Variants in PAN3 observed in about 807,000 individuals in gnomAD.
PAN3 encodes the protein poly(A) specific ribonuclease subunit PAN3, also known as PAN2-PAN3 deadenylation complex subunit PAN3.
A neutral mutation model predicts 96.2 loss-of-function variants in PAN3; 19 were observed. That is an observed-to-expected ratio of 0.20 (90% CI 0.14 to 0.29). PAN3 has a LOEUF of 0.29. Ranked by LOEUF, PAN3 falls within the 10% of genes least tolerant of loss-of-function variation. The pLI is 1.00. For synonymous variants in PAN3, 433 were observed against 406.6 expected, an observed-to-expected ratio of 1.06 and a Z score of -0.78; for missense variants, 882 against 1,108.1, an observed-to-expected ratio of 0.80 and a Z score of 2.90.
At chr13:28,247,413 T>C (rs1884303304) in intron 6 of PAN3, among the ~76,000 whole-genome samples, 1 of 152,230 alleles carries the variant, frequency 6.6e-6, no homozygotes, top group Non-Finnish European at 1.5e-5. Flanking sequence ...TTGTTTCTTT[T>C]GCGGTGCAGA....
chr13:28,233,170 A>C (rs1013114730), intron 6 of PAN3, among the ~76,000 whole-genome samples: 3 of 152,178 alleles, frequency 2.0e-5, no homozygotes, highest in African/African-American at 7.2e-5. Context: ...ATTCTTTAAA[A>C]AGTGGAAAAA....
chr13:28,223,514 A>G (rs1364120854), intron 6 of PAN3, among the ~76,000 whole-genome samples: 2 of 151,570 alleles, frequency 1.3e-5, no homozygotes, highest in Non-Finnish European at 2.9e-5. Context: ...TTATTCTCTC[A>G]GAGGTTCACA....
At chr13:28,219,033 C>A (rs111547470) in intron 5 of PAN3, among the ~76,000 whole-genome samples, 1 of 152,068 alleles carries the variant, frequency 6.6e-6, no homozygotes, top group Admixed American at 6.6e-5. Context: ...GAAGGTACTA[C>A]GTTAGTAAAA....
At chr13:28,191,044 T>G (rs1005756480) in intron 4 of PAN3, among the ~76,000 whole-genome samples, 2 of 152,194 alleles carry the variant, frequency 1.3e-5, no homozygotes, top group Non-Finnish European at 2.9e-5. Flanking sequence ...TTACCTTTTT[T>G]GGGGGACCAC....
intron 5 of PAN3, among the ~76,000 whole-genome samples, chr13:28,203,299 T>C (rs1475436030): frequency 1.3e-5 from 2 of 151,504 alleles, no homozygotes; most frequent in Admixed American, 6.6e-5. Context: ...GACTTTTCTA[T>C]ATTATTTATT....
chr13:28,212,294 C>T (rs1363423852), intron 5 of PAN3, among the ~76,000 whole-genome samples: 1 of 152,200 alleles, frequency 6.6e-6, no homozygotes, highest in Admixed American at 6.5e-5. Flanking sequence ...AGAATAAATT[C>T]TTCCCTGGTT....
chr13:28,263,132 T>G (rs939722890), intron 9 of PAN3, among the ~76,000 whole-genome samples: 1 of 152,160 alleles, frequency 6.6e-6, no homozygotes, highest in Non-Finnish European at 1.5e-5. Context: ...TTATTTATGT[T>G]CATATGAAGA....
chr13:28,224,950 ATGAT>A (rs1881840009), intron 6 of PAN3, among the ~76,000 whole-genome samples: 1 of 152,214 alleles, frequency 6.6e-6, no homozygotes, highest in Admixed American at 6.5e-5. Flanking sequence ...GCAAACTCAT[ATGAT>A]TGATATGGGG....
intron 6 of PAN3, among the ~76,000 whole-genome samples, chr13:28,246,007 A>G (rs533991588): frequency 1.9e-4 from 29 of 152,272 alleles, no homozygotes; most frequent in African/African-American, 6.5e-4. Flanking sequence ...GTGCGAACCT[A>G]TGTTTTTAGT....
chr13:28,185,635 A>T (rs182216261), intron 4 of PAN3, among the ~76,000 whole-genome samples: 1 of 151,998 alleles, frequency 6.6e-6, no homozygotes, highest in Non-Finnish European at 1.5e-5. Context: ...GTGTGGTAGT[A>T]TGGTGTTTGA....
chr13:28,139,208 G>A lies in PAN3; in HGVS notation c.430+121G>A, dbSNP rs897605320. On this transcript the variant is annotated intron_variant, in intron 1 of 18. Transcript: ENST00000380958. Reference sequence around the variant, plus strand: ...GGCTCCCCCCCTCACCTCCCAAGGCGGTCTGAGAGGCCTAGGCCGGGCCTG... The same window carrying A: ...GGCTCCCCCCCTCACCTCCCAAGGCAGTCTGAGAGGCCTAGGCCGGGCCTG... 1.5e-5 allele frequency: 17 copies of A among 1,111,768 alleles called. No individual in the cohort carries two copies. In the African/African-American group the frequency reaches 2.3e-4, roughly 15 times the overall value. 68.9% of individuals were successfully genotyped at this position (1,111,768 alleles called of 1,614,324 possible).
chr13:28,174,327 T>C lies in PAN3; in HGVS notation c.486T>C (p.Phe162=). ...LTDTSLTDSY[F]STSFIGVNGF... is the part of the protein sequence containing the mutation. Reference sequence around the variant, plus strand: ...ATACAAGTCTCACAGATTCCTATTTTAGCACCAGCTTTATTGGAGTCAATG... The same window carrying C: ...ATACAAGTCTCACAGATTCCTATTTCAGCACCAGCTTTATTGGAGTCAATG... Residue 162 remains phenylalanine (F), a synonymous_variant, in exon 2 of 19, where the codon TTT becomes TTC. Coordinates refer to ENST00000380958, the MANE Select transcript of PAN3 (RefSeq NM_175854.8). 6.2e-7 allele frequency: 1 copy of C among 1,612,338 alleles called. No homozygotes were observed. The highest frequency in any genetic ancestry group is 1.3e-5 in the African/African-American group (1 of 75,012).
intron 2 of PAN3, among the ~76,000 whole-genome samples, chr13:28,176,231 G>A (rs1002389813): frequency 2.6e-5 from 4 of 152,120 alleles, no homozygotes; most frequent in Non-Finnish European, 4.4e-5. Context: ...TTTTGCCCAG[G>A]CTAATAAGTT....
rs1282404718 is a variant in PAN3, at chr13:28,138,972, C to T, written c.315C>T (p.Gly105=). The part of the protein sequence containing the change: ...VAGFPPGAVA[G]GGAGPPPGPK... The stretch of plus-strand genomic sequence containing the variant: ...GCTTTCCGCCGGGAGCCGTCGCGGG[C>T]GGGGGAGCTGGGCCGCCCCCCGGGC... Residue 105 remains glycine (G), a synonymous_variant, in exon 1 of 19, where the codon GGC becomes GGT. Transcript: ENST00000380958. 3.1e-6 allele frequency: 4 copies of T among 1,278,560 alleles called. No homozygotes were observed. Among genetic ancestry groups the T allele is most frequent in the Middle Eastern group, 2.3e-4 (1 of 4,382 alleles). The allele number at this position is 1,278,560 out of a possible 1,614,324, so 79.2% of individuals were successfully genotyped here. A position where few individuals can be genotyped will look rare whatever the true frequency, so the allele number is the denominator to read the frequency against.
At position 28,260,478 on chromosome 13, in the gene PAN3, C is replaced by T. The variant is rs150970728; in HGVS notation, c.1280C>T (p.Thr427Ile). The T allele has an allele frequency of 3.7e-6, 6 of 1,613,266 alleles. No individual in the cohort carries two copies. Among genetic ancestry groups the T allele is most frequent in the Non-Finnish European group, 4.2e-6 (5 of 1,179,398 alleles). Reference protein sequence around the residue: ...VFPNYHIYPPTAPHVAYMQPK... With the variant: ...VFPNYHIYPPIAPHVAYMQPK... Reference sequence around the variant, plus strand: ...CCAAACTATCATATTTATCCTCCAACTGCACCTCACGTTGCTTATATGCAA... The same window carrying T: ...CCAAACTATCATATTTATCCTCCAATTGCACCTCACGTTGCTTATATGCAA... Residue 427 changes from threonine to isoleucine, a missense_variant, in exon 8 of 19, where the codon ACT becomes ATT. By Grantham distance (89) the Thr-to-Ile change is moderately conservative. Transcript: ENST00000380958.
chr13:28,206,391 T>C (rs1410593085), intron 5 of PAN3, among the ~76,000 whole-genome samples: 2 of 147,576 alleles, frequency 1.4e-5, no homozygotes, highest in Admixed American at 6.8e-5. Flanking sequence ...TGGTGCGATC[T>C]CGGCTTACTA....
chr13:28,276,467 A>T (rs1887067779), intron 14 of PAN3, among the ~76,000 whole-genome samples: 1 of 152,180 alleles, frequency 6.6e-6, no homozygotes, highest in African/African-American at 2.4e-5. Flanking sequence ...TCCTGGAGTT[A>T]TAATAGGTGA....
intron 16 of PAN3, 126 bp from the exon 17 acceptor site, chr13:28,281,189 G>A: frequency 2.9e-6 from 2 of 694,226 alleles, no homozygotes; most frequent in Non-Finnish European, 5.0e-6. Context: ...TAACCAAAAG[G>A]TGGGGATGTT....
At chr13:28,252,046 C>A (rs1049289542) in intron 6 of PAN3, among the ~76,000 whole-genome samples, 1 of 151,960 alleles carries the variant, frequency 6.6e-6, no homozygotes, top group Non-Finnish European at 1.5e-5. Flanking sequence ...CACCACCACA[C>A]CCAGCTAAAT....
Sources: allele counts gnomAD v4.1 joint callset (sites outside exome capture counted in the v4.1 genomes callset), GRCh38; gene constraint gnomAD v4.1.1; transcripts MANE v1.5; gene names NCBI Gene and HGNC (gene_info 2026-07-23, HGNC 2026-07-21).